RPL6: variants seen among roughly 807,000 people sequenced by gnomAD.
RPL6 encodes ribosomal protein L6, also known as large ribosomal subunit protein eL6.
Under a neutral mutation model 32.1 loss-of-function variants are expected in RPL6, and 1 was observed. That is an observed-to-expected ratio of 0.03 (90% CI 0.01 to 0.15). The LOEUF is 0.15. Ranked by LOEUF, RPL6 falls within the 10% of genes least tolerant of loss-of-function variation. The probability of loss-of-function intolerance (pLI) is 1.00; values close to 1 mark genes in which losing one functional copy is unlikely to be tolerated. For synonymous variants in RPL6, 126 were observed against 131.6 expected (o/e 0.96, Z 0.29); for missense variants, 275 against 354.6 (o/e 0.78, Z 1.80).
At chr12:112,409,739 G>T (rs1164711772), upstream of RPL6, 5 of 342,284 alleles carry the variant, frequency 1.5e-5, no homozygotes, top group Non-Finnish European at 2.1e-5. Context: ...GGCCGGGTGC[G>T]GTGGCTCACG....
At chr12:112,406,445 T>C (rs2037171577) in intron 4 of RPL6, 103 bp from the exon 5 acceptor site, 7 of 1,022,704 alleles carry the variant, frequency 6.8e-6, no homozygotes, top group Admixed American at 4.0e-5. Context: ...AATTTCTACA[T>C]GTATATGTAT....
In RPL6 at chr12:112,409,273, AG is replaced by A. The variant is rs1251464732; in HGVS notation, c.-1+313del. The A allele has an allele frequency of 3.1e-5, 12 of 389,570 alleles. No individual in the cohort carries two copies. The South Asian group carries it at 1.1e-3, about 37-fold the overall frequency. The allele number at this position is 389,570 out of a possible 1,614,324, so 24.1% of individuals were successfully genotyped here. A position where few individuals can be genotyped will look rare whatever the true frequency, so the allele number is the denominator to read the frequency against. On this transcript the variant is annotated intron_variant, in intron 1 of 6. Coordinates refer to ENST00000202773, the MANE Select transcript of RPL6 (RefSeq NM_000970.6). Reference sequence around the variant, plus strand: ...GTGTCATCCTCTGGAACCCAGGACCAGGAACACAGTGCACGCGCCGTCTCCC... The same window carrying A: ...GTGTCATCCTCTGGAACCCAGGACCAGAACACAGTGCACGCGCCGTCTCCC...
upstream of RPL6, among the ~76,000 whole-genome samples, chr12:112,415,236 G>A (rs969753274): frequency 7.2e-6 from 1 of 139,100 alleles, no homozygotes; most frequent in African/African-American, 2.9e-5. Context: ...AGAATGAAGC[G>A]AGTAGTGGGG....
chr12:112,417,560 CTTT>C lies in RPL6; in HGVS notation c.-229+1165_-229+1167del, dbSNP rs1209085428. ...AATACTTCCGTACCACCCGGCCCGG[CTTT>C]TTTTTTTTTTTTTTTTTTTTTTTTT... On this transcript the variant is annotated intron_variant, in intron 1 of 5. Transcript: ENST00000551291. Among the ~76,000 whole-genome samples the C allele has an allele frequency of 3.5e-4, 26 of 75,082 alleles. No homozygotes were observed. The East Asian group carries it at 4.7e-3, about 14-fold the overall frequency. The allele number at this position is 75,082 out of a possible 152,430, so 49.3% of individuals were successfully genotyped here. A position where few individuals can be genotyped will look rare whatever the true frequency, so the allele number is the denominator to read the frequency against.
intron 3 of RPL6, chr12:112,408,029 T>G: frequency 1.8e-6 from 1 of 563,832 alleles, no homozygotes; most frequent in Non-Finnish European, 3.1e-6. Context: ...CTCATTCCCA[T>G]ATTATATGCA....
At chr12:112,405,181 G>T (rs773715273), downstream of RPL6, 3 of 1,539,154 alleles carry the variant, frequency 1.9e-6, no homozygotes, top group African/African-American at 1.4e-5. Flanking sequence ...TAAAAAAAGA[G>T]ACACAAAATG....
At chr12:112,407,633 G>A (rs2037212000) in intron 3 of RPL6, 1 of 153,186 alleles carries the variant, frequency 6.5e-6, no homozygotes, top group South Asian at 2.0e-4. Flanking sequence ...TGGGTCTTGT[G>A]TGTGGTAAAG....
intron 1 of RPL6, among the ~76,000 whole-genome samples, chr12:112,415,389 C>A (rs557238187): frequency 2.0e-5 from 3 of 152,240 alleles, no homozygotes; most frequent in Admixed American, 2.0e-4. Context: ...GGCAACATAG[C>A]AAGACCTTGG....
rs774549853 is a variant in RPL6 at position 112,408,251 on chromosome 12, G to A, written c.325C>T (p.Leu109Phe). 15 of 1,613,798 alleles carry A rather than the reference G, an allele frequency of 9.3e-6. No homozygotes were observed. The highest frequency in any genetic ancestry group is 9.3e-6 in the Non-Finnish European group (11 of 1,179,834). ...TCCCCACATCTTACCATTTTGCGAA[G>A]TTTAACCACCCGGGTACCGCCGTTC... ...DKNGGTRVVKLRKMPRYYPTE... is the reference protein window; with the variant it reads ...DKNGGTRVVKFRKMPRYYPTE... The change falls in exon 3 of 7, where the codon CTT (leucine) becomes TTT (phenylalanine). Residue 109 changes from leucine (L) to phenylalanine (F), a missense_variant. Transcript: ENST00000202773.
At position 112,408,172 on chromosome 12, in the gene RPL6, T is replaced by C; in HGVS notation, c.336+68A>G. ...TATGCAGAAACTTACAGTATCTAAGTATTCAAAAACATCTTCACAGTATTC... is the reference window on the plus strand; with the variant it reads ...TATGCAGAAACTTACAGTATCTAAGCATTCAAAAACATCTTCACAGTATTC... On this transcript the variant is annotated intron_variant, in intron 3 of 6. Coordinates refer to ENST00000202773, the MANE Select transcript of RPL6 (RefSeq NM_000970.6). The C allele has an allele frequency of 3.5e-5, 40 of 1,154,192 alleles. 1 individual carries two copies. In the South Asian group the frequency reaches 5.5e-4, roughly 16 times the overall value. 71.5% of individuals were successfully genotyped at this position (1,154,192 alleles called of 1,614,324 possible). A position where few individuals can be genotyped will look rare whatever the true frequency, so the allele number is the denominator to read the frequency against.
intron 1 of RPL6, among the ~76,000 whole-genome samples, chr12:112,417,833 T>A (rs2037439297): frequency 6.6e-6 from 1 of 151,106 alleles, no homozygotes; most frequent in Non-Finnish European, 1.5e-5. Flanking sequence ...AATTTTTGTA[T>A]TTTTTGTAGA....
chr12:112,405,744 T>G, intron 6 of RPL6, 109 bp downstream of exon 6: 79 of 857,264 alleles, frequency 9.2e-5, no homozygotes, highest in Non-Finnish European at 1.3e-4. Flanking sequence ...TCTCCCAGCA[T>G]TCCTCATTAT....
intron 1 of RPL6, 48 bp downstream of exon 1, chr12:112,409,539 A>T (rs2037295840): frequency 2.5e-6 from 1 of 398,508 alleles, no homozygotes; most frequent in African/African-American, 2.1e-5. Flanking sequence ...ATGGCGAAGG[A>T]TTGGGAGTCC....
intron 5 of RPL6, 79 bp from the exon 6 acceptor site, chr12:112,406,116 T>C (rs1029456226): frequency 3.7e-6 from 5 of 1,350,384 alleles, no homozygotes; most frequent in Non-Finnish European, 5.2e-6. Context: ...TTACTTGTTA[T>C]GTTGCTACAC....
intron 4 of RPL6, 162 bp downstream of exon 4, chr12:112,406,585 A>ATTACAC: frequency 1.0e-5 from 10 of 1,004,040 alleles, no homozygotes; most frequent in Non-Finnish European, 1.4e-5. Flanking sequence ...ATCACCATGG[A>ATTACAC]TTACACTTCT....
rs746397021 is a variant in RPL6, at chr12:112,408,403, T to C, written c.237+17A>G. ...ATTAAGGTTAAGACATAATGGTCCG[T>C]GGTCCTCTTCCCTTACCTTGGATTT... On this transcript the variant is annotated intron_variant, in intron 2 of 6. Transcript: ENST00000202773. 6.2e-7 allele frequency: 1 copy of C among 1,613,876 alleles called. No individual in the cohort carries two copies. The highest frequency in any genetic ancestry group is 1.1e-5 in the South Asian group (1 of 91,078).
At chr12:112,405,184 A>G, downstream of RPL6, 1 of 1,546,738 alleles carries the variant, frequency 6.5e-7, no homozygotes, top group Non-Finnish European at 8.7e-7. Context: ...AAAAAGAGAC[A>G]CAAAATGTAG....
chr12:112,415,733 T>G (rs1269614617), intron 1 of RPL6, among the ~76,000 whole-genome samples: 1 of 148,048 alleles, frequency 6.8e-6, no homozygotes, highest in Non-Finnish European at 1.5e-5. Context: ...ACAAAAAACT[T>G]TTTTTTTTTT....
At chr12:112,406,657 T>C (rs1472582892) in intron 4 of RPL6, 90 bp downstream of exon 4, 2 of 1,502,890 alleles carry the variant, frequency 1.3e-6, no homozygotes, top group Non-Finnish European at 1.8e-6. Context: ...CATAGGTAAA[T>C]AAAGGAAAAG....
Sources: gnomAD v4.1 joint callset for allele counts (sites outside exome capture counted in the v4.1 genomes callset) on GRCh38, gnomAD v4.1.1 for gene constraint, MANE v1.5 for transcripts, NCBI Gene and HGNC (gene_info 2026-07-23, HGNC 2026-07-21) for gene names.